GRAMD1B: variants seen among roughly 807,000 people sequenced by gnomAD.
The protein encoded by GRAMD1B is GRAM domain containing 1B.
In GRAMD1B, 37 loss-of-function variants were observed where a neutral mutation model predicts 99.7. The ratio of observed to expected loss-of-function variants is 0.37; its 90% CI spans 0.29 to 0.49. The LOEUF (loss-of-function observed/expected upper bound fraction) is 0.49. Ranked by LOEUF, GRAMD1B falls within the 20% of genes least tolerant of loss-of-function variation. GRAMD1B has a pLI of 0.98. For missense variants in GRAMD1B, 888 were observed against 1,009.2 expected (o/e 0.88, Z 1.63); for synonymous variants, 427 against 387.6 (o/e 1.10, Z -1.19).
rs147043423 is a variant in GRAMD1B at position 123,536,489 on chromosome 11, T to C, written c.453-40878T>C. Reference sequence around the variant, plus strand: ...TGACATCTACCCCAGAGGGCTGTTGTGAAGACTGTCAGGATTCAATGAAAT... The same window carrying C: ...TGACATCTACCCCAGAGGGCTGTTGCGAAGACTGTCAGGATTCAATGAAAT... On this transcript the variant is annotated intron_variant, in intron 2 of 19. Transcript: ENST00000635736. 4.6e-5 allele frequency among the ~76,000 whole-genome samples: 7 copies of C among 152,338 alleles called. No homozygotes were observed. The East Asian group carries it at 1.4e-3, about 29-fold the overall frequency.
chr11:123,403,448 GATAATAATAATAATAATAATA>G (rs371716819), intron 1 of GRAMD1B, among the ~76,000 whole-genome samples: 72 of 139,168 alleles, frequency 5.2e-4, no homozygotes, highest in African/African-American at 1.7e-3. Flanking sequence ...TGATGATGAT[GATAATAATAATAATAATAATA>G]ATAATAATAA....
intron 3 of GRAMD1B, among the ~76,000 whole-genome samples, chr11:123,583,264 C>T (rs185520694): frequency 2.9e-5 from 4 of 138,308 alleles, no homozygotes; most frequent in South Asian, 4.8e-4. Context: ...TGTGCACATG[C>T]GCATGTGTGT....
intron 1 of GRAMD1B, among the ~76,000 whole-genome samples, chr11:123,368,699 A>AAAAG (rs1555106412): frequency 3.3e-5 from 5 of 150,404 alleles, no homozygotes; most frequent in African/African-American, 7.3e-5. Flanking sequence ...AAAAAAAAAA[A>AAAAG]AAAGAAAGAA....
chr11:123,553,610 G>A (rs1945849030), intron 2 of GRAMD1B, among the ~76,000 whole-genome samples: 1 of 152,198 alleles, frequency 6.6e-6, no homozygotes, highest in South Asian at 2.1e-4. Context: ...CACCTCATGA[G>A]AGAGATGCAG....
In GRAMD1B at chr11:123,414,578, C is replaced by T. The variant is rs147217652; in HGVS notation, c.-176+55779C>T. On this transcript the variant is annotated intron_variant, in intron 1 of 20. Coordinates refer to the GRAMD1B transcript ENST00000638157. ...TTCCTTATGGGGCTTACTCTGACTA[C>T]CCTATGTCATCCCTATCCCCCTTGT... 8.6e-3 allele frequency among the ~76,000 whole-genome samples: 1,312 copies of T among 152,226 alleles called. 14 individuals are homozygous for T. Among genetic ancestry groups the T allele is most frequent in the Middle Eastern group, 0.017 (5 of 292 alleles).
chr11:123,497,641 G>A (rs1365741302), intron 2 of GRAMD1B, among the ~76,000 whole-genome samples: 1 of 152,096 alleles, frequency 6.6e-6, no homozygotes, highest in African/African-American at 2.4e-5. Flanking sequence ...TGTGGCTCAC[G>A]CCTGTAATCC....
At position 123,627,162 on chromosome 11, in the gene GRAMD1B, G is replaced by C. The variant is rs907801002; in HGVS notation, c.*4567G>C. ...AACATCTGAAGGCTTAAAGAACATT[G>C]TCGTTCTTCAGCCCTCCTTGCTTCT... On this transcript the variant is annotated 3_prime_UTR_variant, in exon 20 of 20. Coordinates refer to ENST00000635736, the MANE Select transcript of GRAMD1B (RefSeq NM_001387025.1). The C allele has an allele frequency of 6.6e-6, 1 of 152,230 alleles. No individual in the cohort carries two copies. Among genetic ancestry groups the C allele is most frequent in the African/African-American group, 2.4e-5 (1 of 41,452 alleles). 9.4% of individuals were successfully genotyped at this position (152,230 alleles called of 1,614,324 possible). A position where few individuals can be genotyped will look rare whatever the true frequency, so the allele number is the denominator to read the frequency against.
At chr11:123,491,691 GT>G (rs1938575584) in intron 2 of GRAMD1B, 1 of 391,510 alleles carries the variant, frequency 2.6e-6, no homozygotes, top group Non-Finnish European at 4.5e-6. Context: ...ATCTGCCTGT[GT>G]TTTATATTGA....
intron 2 of GRAMD1B, among the ~76,000 whole-genome samples, chr11:123,562,375 G>C (rs61167858): frequency 1.1e-4 from 17 of 152,150 alleles, no homozygotes; most frequent in Admixed American, 1.1e-3. Flanking sequence ...CCAGAGGCCA[G>C]CAGACTGTTT....
At chr11:123,390,561 A>G (rs1196004065) in intron 1 of GRAMD1B, among the ~76,000 whole-genome samples, 3 of 152,338 alleles carry the variant, frequency 2.0e-5, no homozygotes, top group Non-Finnish European at 4.4e-5. Flanking sequence ...ATTTTTTTAC[A>G]TGGGTCAAAT....
At chr11:123,402,904 C>A (rs534606303) in intron 1 of GRAMD1B, among the ~76,000 whole-genome samples, 66 of 151,950 alleles carry the variant, frequency 4.3e-4, no homozygotes, top group East Asian at 3.9e-4. Flanking sequence ...GGATCTAGAA[C>A]TAGAAATACC....
At chr11:123,421,706 C>T (rs1364656894) in intron 1 of GRAMD1B, among the ~76,000 whole-genome samples, 1 of 152,160 alleles carries the variant, frequency 6.6e-6, no homozygotes, top group African/African-American at 2.4e-5. Flanking sequence ...TGCTTACATC[C>T]AGGGAGTGGT....
intron 15 of GRAMD1B, 126 bp from the exon 16 acceptor site, chr11:123,613,329 G>A: frequency 2.9e-6 from 2 of 678,348 alleles, no homozygotes; most frequent in South Asian, 1.9e-5. Flanking sequence ...AGGCTCATGG[G>A]CATCCCTGAG....
At chr11:123,620,465 T>G (rs1243894207) in intron 19 of GRAMD1B, among the ~76,000 whole-genome samples, 30 of 99,818 alleles carry the variant, frequency 3.0e-4, no homozygotes, top group African/African-American at 1.2e-3. Context: ...AGAGTGAGAC[T>G]TCATCTCAAA....
At chr11:123,404,796 A>G (rs948970752) in intron 1 of GRAMD1B, among the ~76,000 whole-genome samples, 1 of 152,224 alleles carries the variant, frequency 6.6e-6, no homozygotes, top group African/African-American at 2.4e-5. Flanking sequence ...GTCGATACTC[A>G]TCGTTAAGAG....
At chr11:123,408,856 T>C (rs1408597827) in intron 1 of GRAMD1B, among the ~76,000 whole-genome samples, 1 of 152,236 alleles carries the variant, frequency 6.6e-6, no homozygotes, top group African/African-American at 2.4e-5. Flanking sequence ...TTTACATTTT[T>C]GTGTTTTTCT....
intron 1 of GRAMD1B, among the ~76,000 whole-genome samples, chr11:123,432,555 CAA>C (rs11380139): frequency 5.5e-5 from 7 of 126,398 alleles, no homozygotes; most frequent in Non-Finnish European, 5.0e-5. Context: ...GACTCTGTCT[CAA>C]AAAAAAAAAA....
At chr11:123,585,528 A>G (rs1949978254) in intron 4 of GRAMD1B, among the ~76,000 whole-genome samples, 1 of 152,154 alleles carries the variant, frequency 6.6e-6, no homozygotes, top group Admixed American at 6.5e-5. Context: ...GGAGAGAGTT[A>G]TGGGCTGAGG....
chr11:123,598,672 C>T (rs1951584213), intron 7 of GRAMD1B: 1 of 1,164,634 alleles, frequency 8.6e-7, no homozygotes, highest in Non-Finnish European at 1.3e-6. Context: ...TTCAATCTGT[C>T]CAAACCCAGA....
Sources: gnomAD v4.1 joint callset for allele counts (sites outside exome capture counted in the v4.1 genomes callset) on GRCh38, gnomAD v4.1.1 for gene constraint, MANE v1.5 for transcripts, NCBI Gene and HGNC (gene_info 2026-07-23, HGNC 2026-07-21) for gene names.